Variants in UBE2G2 observed in about 807,000 individuals in gnomAD.
UBE2G2 encodes ubiquitin conjugating enzyme E2 G2.
Under a neutral mutation model 23.0 loss-of-function variants are expected in UBE2G2, and 10 were observed. The ratio of observed to expected loss-of-function variants is 0.43; its 90% CI spans 0.27 to 0.74. The LOEUF (loss-of-function observed/expected upper bound fraction) is 0.74, where lower values mean the gene tolerates loss of function less well. UBE2G2 is among the 30% of genes least tolerant of loss of function. The pLI, the probability that UBE2G2 is intolerant of heterozygous loss-of-function variation, is 0.19. For synonymous variants in UBE2G2, 86 were observed against 81.3 expected, an observed-to-expected ratio of 1.06 and a Z score of -0.31; for missense variants, 150 against 218.3, an observed-to-expected ratio of 0.69 and a Z score of 1.97.
At position 44,777,436 on chromosome 21, in the gene UBE2G2, G is replaced by A. The variant is rs1307195616; in HGVS notation, c.126-19C>T. 1.0e-5 allele frequency: 16 copies of A among 1,607,012 alleles called. No homozygotes were observed. The highest frequency in any genetic ancestry group is 6.7e-5 in the East Asian group (3 of 44,872). The stretch of plus-strand genomic sequence containing the variant: ...TGGGCCCCTAGAAGATATAAAATAC[G>A]TAGACTGAACTTCAAAGTACATTTT... On this transcript the variant is annotated intron_variant, in intron 3 of 5. Transcript: ENST00000345496.
At chr21:44,788,312 C>T (rs1460615327) in intron 1 of UBE2G2, among the ~76,000 whole-genome samples, 6 of 125,370 alleles carry the variant, frequency 4.8e-5, no homozygotes, top group South Asian at 2.7e-4. Context: ...TTTTTTGAGA[C>T]GGAGTCTCAC....
chr21:44,787,853 CTGA>C, intron 3 of UBE2G2, 64 bp downstream of exon 3: 1 of 1,557,324 alleles, frequency 6.4e-7, no homozygotes, highest in Non-Finnish European at 8.8e-7. Context: ...AGTCACACTG[CTGA>C]TGTGATTCTT....
intron 3 of UBE2G2, among the ~76,000 whole-genome samples, chr21:44,784,378 C>T (rs2082979465): frequency 6.6e-6 from 1 of 152,042 alleles, no homozygotes; most frequent in South Asian, 2.1e-4. Context: ...TATAGATGCT[C>T]CATAAATTAT....
intron 3 of UBE2G2, among the ~76,000 whole-genome samples, chr21:44,778,271 G>A (rs2082928268): frequency 6.6e-6 from 1 of 152,252 alleles, no homozygotes; most frequent in Non-Finnish European, 1.5e-5. Context: ...GATCACTGCT[G>A]CATGCTCGGT....
At position 44,801,788 on chromosome 21, in the gene UBE2G2, G is replaced by C. The variant is rs782306627; in HGVS notation, c.-40C>G. The C allele has an allele frequency of 4.0e-6, 6 of 1,503,980 alleles. No individual in the cohort carries two copies. In the East Asian group the frequency reaches 8.6e-5, roughly 21 times the overall value. The allele number at this position is 1,503,980 out of a possible 1,614,324, so 93.2% of individuals were successfully genotyped here. On this transcript the variant is annotated 5_prime_UTR_variant, in exon 1 of 6. Coordinates refer to ENST00000345496, the MANE Select transcript of UBE2G2 (RefSeq NM_003343.6). ...TGCGCCGAGCGACCTCGCCTCAGCC[G>C]CGCGCGTGCCTCCTGCCCCGACACC...
chr21:44,801,209 A>G (rs1444122850), intron 1 of UBE2G2: 1 of 565,704 alleles, frequency 1.8e-6, no homozygotes, highest in African/African-American at 2.0e-5. Flanking sequence ...TTTCCTCAAC[A>G]CTACCTAGGA....
At chr21:44,778,562 C>T (rs2082931079) in intron 3 of UBE2G2, among the ~76,000 whole-genome samples, 1 of 150,292 alleles carries the variant, frequency 6.7e-6, no homozygotes, top group African/African-American at 2.4e-5. Flanking sequence ...AGAGTGTCAG[C>T]CACTATGCCT....
chr21:44,778,661 A>G (rs1306559004), intron 3 of UBE2G2, among the ~76,000 whole-genome samples: 1 of 152,242 alleles, frequency 6.6e-6, no homozygotes, highest in Admixed American at 6.5e-5. Context: ...ATCTTGCACC[A>G]TCTTTCTTTG....
At chr21:44,790,832 G>C (rs2083037358) in intron 1 of UBE2G2, among the ~76,000 whole-genome samples, 1 of 152,230 alleles carries the variant, frequency 6.6e-6, no homozygotes, top group South Asian at 2.1e-4. Context: ...AAGATAACCT[G>C]AAAATGTGGA....
At chr21:44,788,728 C>T (rs1252059742) in intron 1 of UBE2G2, among the ~76,000 whole-genome samples, 3 of 150,598 alleles carry the variant, frequency 2.0e-5, no homozygotes, top group Non-Finnish European at 4.4e-5. Flanking sequence ...GAGACAGGGT[C>T]TCACTCTGGT....
chr21:44,800,166 T>C (rs1047602292), intron 1 of UBE2G2: 2 of 152,324 alleles, frequency 1.3e-5, no homozygotes, highest in Admixed American at 6.5e-5. Context: ...CTTGCTTCCA[T>C]GCAGGGTTGC....
In UBE2G2 at chr21:44,777,319, C is replaced by A. The variant is rs1555960706; in HGVS notation, c.224G>T (p.Cys75Phe). The A allele has an allele frequency of 6.2e-7, 1 of 1,614,016 alleles. No homozygotes were observed. Residue 75 changes from cysteine to phenylalanine, a missense_variant, in exon 4 of 6, where the codon TGT becomes TTT. By Grantham distance (205) the Cys-to-Phe change is radical. Coordinates refer to ENST00000345496, the MANE Select transcript of UBE2G2 (RefSeq NM_003343.6). ...CTTACTGTTGGGATGAAACATCTCA[C>A]AGGTAAATCTCATCTTTGGGGGACT... ...PLSPPKMRFTCEMFHPNIYPD... is the reference protein window; with the variant it reads ...PLSPPKMRFTFEMFHPNIYPD...
In UBE2G2 at chr21:44,791,147, G is replaced by A. The variant is rs568440272; in HGVS notation, c.44-3052C>T. 5.1e-4 allele frequency among the ~76,000 whole-genome samples: 77 copies of A among 152,278 alleles called. 3 individuals carry two copies. The South Asian group carries it at 0.014, about 28-fold the overall frequency. On this transcript the variant is annotated intron_variant, in intron 1 of 5. Transcript: ENST00000345496. Reference sequence around the variant, plus strand: ...GAGAGATGATCTGAAATTGGAACTCGTGTTTAAAAGAAAGCAGGGAATAAA... The same window carrying A: ...GAGAGATGATCTGAAATTGGAACTCATGTTTAAAAGAAAGCAGGGAATAAA...
intron 4 of UBE2G2, chr21:44,777,085 T>C (rs2082918572): frequency 4.2e-6 from 2 of 472,254 alleles, no homozygotes; most frequent in East Asian, 8.2e-5. Context: ...CGGTTTTAGG[T>C]GCCTGTTGTC....
intron 3 of UBE2G2, among the ~76,000 whole-genome samples, chr21:44,781,545 G>A (rs2146391369): frequency 6.6e-6 from 1 of 152,364 alleles, no homozygotes; most frequent in South Asian, 2.1e-4. Context: ...GCAGTGAGGA[G>A]TTAAATAGAA....
At chr21:44,774,616 C>A in intron 4 of UBE2G2, 1 of 400,768 alleles carries the variant, frequency 2.5e-6, no homozygotes, top group Non-Finnish European at 5.0e-6. Flanking sequence ...TTCCACTCAT[C>A]CATTGTTTCA....
rs1394895752 is a variant in UBE2G2 at position 44,772,291 on chromosome 21, C to T, written c.386-802G>A. Among the ~76,000 whole-genome samples, 1 of 152,134 alleles carries T rather than the reference C, an allele frequency of 6.6e-6. No individual in the cohort carries two copies. The highest frequency in any genetic ancestry group is 2.4e-5 in the African/African-American group (1 of 41,408). Reference sequence around the variant, plus strand: ...CCCTGGCCTGGCTCCCTCCACTCAGCACATGAAGAGGGTTCACGCCTCAGC... The same window carrying T: ...CCCTGGCCTGGCTCCCTCCACTCAGTACATGAAGAGGGTTCACGCCTCAGC... On this transcript the variant is annotated intron_variant, in intron 5 of 5. Transcript: ENST00000345496. The surrounding 1 kb of genome is among the most constrained non-coding windows in gnomAD (Gnocchi z 5.4).
chr21:44,781,021 A>G (rs1555961275), intron 3 of UBE2G2, among the ~76,000 whole-genome samples: 1 of 152,240 alleles, frequency 6.6e-6, no homozygotes, highest in Non-Finnish European at 1.5e-5. Context: ...AGCTGCACGC[A>G]GGTGTTGGGA....
chr21:44,794,813 G>A (rs2083073462), intron 1 of UBE2G2, among the ~76,000 whole-genome samples: 1 of 152,160 alleles, frequency 6.6e-6, no homozygotes, highest in South Asian at 2.1e-4. Context: ...GATTACAGGC[G>A]TGAGCCACTG....
Sources: gnomAD v4.1 joint callset for allele counts (sites outside exome capture counted in the v4.1 genomes callset) on GRCh38, gnomAD v4.1.1 for gene constraint, Gnocchi (gnomAD v3.1) non-coding constraint, MANE v1.5 for transcripts, NCBI Gene and HGNC (gene_info 2026-07-23, HGNC 2026-07-21) for gene names.